Variants in NIBAN1 observed in about 807,000 individuals in gnomAD.
NIBAN1 encodes the protein niban apoptosis regulator 1.
Under a neutral mutation model 75.1 loss-of-function variants are expected in NIBAN1, and 81 were observed. The observed-to-expected ratio is 1.08, with a 90% CI of 0.90 to 1.30. The LOEUF is 1.30. Ranked by LOEUF, NIBAN1 falls within the 50% of genes most tolerant of loss-of-function variation. NIBAN1 has a pLI of 0.00. For missense variants in NIBAN1, 1,133 were observed against 1,128.1 expected, an observed-to-expected ratio of 1.00 and a Z score of -0.06; for synonymous variants, 436 against 424.8, an observed-to-expected ratio of 1.03 and a Z score of -0.32.
In NIBAN1 at chr1:184,974,331, A is replaced by T; in HGVS notation, c.26T>A (p.Leu9Gln). Residue 9 changes from leucine to glutamine, a missense_variant, in exon 1 of 14, where the codon CTG becomes CAG. Transcript: ENST00000367511. ...GATGTAAGCGCACTTGCCCTCGTCCAGCTGGCTGGAGGCTGAGCCGCCCAT... is the reference window on the plus strand; with the variant it reads ...GATGTAAGCGCACTTGCCCTCGTCCTGCTGGCTGGAGGCTGAGCCGCCCAT... MGGSASSQ[L>Q]DEGKCAYIRG... 1 of 1,566,516 alleles carries T rather than the reference A, an allele frequency of 6.4e-7. No homozygotes were observed. Among genetic ancestry groups the T allele is most frequent in the East Asian group, 2.4e-5 (1 of 42,098 alleles).
intron 1 of NIBAN1, among the ~76,000 whole-genome samples, chr1:184,969,259 G>A (rs951682639): frequency 1.3e-5 from 2 of 152,090 alleles, no homozygotes; most frequent in Non-Finnish European, 2.9e-5. Flanking sequence ...CTCACAATAC[G>A]AATTATGCAG....
chr1:184,933,996 G>A (rs925128086), intron 1 of NIBAN1, among the ~76,000 whole-genome samples: 1 of 152,184 alleles, frequency 6.6e-6, no homozygotes, highest in African/African-American at 2.4e-5. Flanking sequence ...AGGAAGATGA[G>A]AGCTGTGAGG....
chr1:184,823,646 A>G lies in NIBAN1; in HGVS notation c.814T>C (p.Trp272Arg), dbSNP rs1367043665. The G allele has an allele frequency of 6.2e-7, 1 of 1,614,134 alleles. No individual in the cohort carries two copies. The highest frequency in any genetic ancestry group is 8.5e-7 in the Non-Finnish European group (1 of 1,179,996). ...GCAAAACCATTGCTTACACCAAGCC[A>G]CGTCCTCTTTCTGTCATTCTTCTTC... is the stretch of plus-strand genomic sequence containing the variant. ...KGKKNDRKRT[W>R]LGLLEEAYTL... Residue 272 changes from tryptophan (W) to arginine (R), a missense_variant, in exon 7 of 14, where the codon TGG becomes CGG. Trp to Arg is a moderately radical substitution (Grantham distance 101). Coordinates refer to ENST00000367511, the MANE Select transcript of NIBAN1 (RefSeq NM_052966.4).
At chr1:184,882,355 C>A (rs927072358) in intron 5 of NIBAN1, among the ~76,000 whole-genome samples, 10 of 152,112 alleles carry the variant, frequency 6.6e-5, no homozygotes, top group Non-Finnish European at 2.9e-5. Context: ...ATCATGCTGT[C>A]AAAAACAGAA....
At chr1:184,919,601 G>T (rs1657476569) in intron 1 of NIBAN1, among the ~76,000 whole-genome samples, 2 of 152,012 alleles carry the variant, frequency 1.3e-5, no homozygotes, top group African/African-American at 4.8e-5. Flanking sequence ...TAAAAAAAGA[G>T]ACCATTAAGA....
At chr1:184,935,835 A>C (rs2102039863) in intron 1 of NIBAN1, among the ~76,000 whole-genome samples, 1 of 151,838 alleles carries the variant, frequency 6.6e-6, no homozygotes, top group East Asian at 1.9e-4. Context: ...AATGAAAACC[A>C]ATCCTTTTCC....
chr1:184,910,263 C>T (rs1469481893), intron 1 of NIBAN1, among the ~76,000 whole-genome samples: 2 of 152,244 alleles, frequency 1.3e-5, no homozygotes, highest in East Asian at 3.9e-4. Context: ...AAGAAAGCAA[C>T]TTGAGTTCAT....
At chr1:184,824,733 C>T (rs978001033) in intron 6 of NIBAN1, among the ~76,000 whole-genome samples, 2 of 151,984 alleles carry the variant, frequency 1.3e-5, no homozygotes, top group Non-Finnish European at 2.9e-5. Flanking sequence ...AGAATGTTGT[C>T]TTACTTTTCT....
At chr1:184,929,644 T>C (rs1657771998) in intron 1 of NIBAN1, among the ~76,000 whole-genome samples, 1 of 152,202 alleles carries the variant, frequency 6.6e-6, no homozygotes, top group South Asian at 2.1e-4. Flanking sequence ...TTGTAAGATT[T>C]TCCCTCTGAA....
At chr1:184,853,722 C>T (rs536995458) in intron 5 of NIBAN1, among the ~76,000 whole-genome samples, 3 of 152,080 alleles carry the variant, frequency 2.0e-5, no homozygotes, top group Non-Finnish European at 2.9e-5. Context: ...CACACCTGTG[C>T]GCACACACAA....
At position 184,808,027 on chromosome 1, in the gene NIBAN1, G is replaced by A. The variant is rs368307040; in HGVS notation, c.1335+47C>T. 1.1e-5 allele frequency: 17 copies of A among 1,606,586 alleles called. No individual in the cohort carries two copies. In the African/African-American group the frequency reaches 1.9e-4, roughly 18 times the overall value. ...CTCACTGGCCAGCACCCATTTCTCTGCTCTCTCTTTACCCTCATCCACCAC... is the reference window on the plus strand; with the variant it reads ...CTCACTGGCCAGCACCCATTTCTCTACTCTCTCTTTACCCTCATCCACCAC... On this transcript the variant is annotated intron_variant, in intron 10 of 13. Coordinates refer to ENST00000367511, the MANE Select transcript of NIBAN1 (RefSeq NM_052966.4).
chr1:184,798,271 C>G, intron 12 of NIBAN1, 81 bp from the exon 13 acceptor site: 1 of 815,200 alleles, frequency 1.2e-6, no homozygotes, highest in South Asian at 1.8e-5. Context: ...AGGACGATTC[C>G]CACTCATGAT....
intron 12 of NIBAN1, among the ~76,000 whole-genome samples, chr1:184,800,398 T>C (rs1354853192): frequency 6.6e-6 from 1 of 151,950 alleles, no homozygotes; most frequent in South Asian, 2.1e-4. Flanking sequence ...TTTTGGCTTT[T>C]GTTGCCATTG....
At chr1:184,972,355 C>G (rs535851710) in intron 1 of NIBAN1, among the ~76,000 whole-genome samples, 1 of 152,224 alleles carries the variant, frequency 6.6e-6, no homozygotes, top group Non-Finnish European at 1.5e-5. Flanking sequence ...TATGATTTTA[C>G]TCAGGAACCT....
At chr1:184,914,595 A>G (rs1269965723) in intron 1 of NIBAN1, among the ~76,000 whole-genome samples, 1 of 152,178 alleles carries the variant, frequency 6.6e-6, no homozygotes, top group African/African-American at 2.4e-5. Flanking sequence ...TTTCTTATGT[A>G]TAATTGAGGA....
At chr1:184,880,670 A>G (rs1656353914) in intron 5 of NIBAN1, among the ~76,000 whole-genome samples, 1 of 152,224 alleles carries the variant, frequency 6.6e-6, no homozygotes, top group African/African-American at 2.4e-5. Context: ...ACAGACTTGC[A>G]TCGATAATGA....
chr1:184,926,808 T>G (rs894701058), intron 1 of NIBAN1, among the ~76,000 whole-genome samples: 1 of 152,210 alleles, frequency 6.6e-6, no homozygotes, highest in African/African-American at 2.4e-5. Context: ...CTTGCCCTTT[T>G]GAGGCTATTT....
At chr1:184,910,476 A>AT (rs1557910717) in intron 1 of NIBAN1, among the ~76,000 whole-genome samples, 1 of 152,112 alleles carries the variant, frequency 6.6e-6, no homozygotes, top group African/African-American at 2.4e-5. Flanking sequence ...TACAAAAAAA[A>AT]CTTTTTTAAA....
chr1:184,858,141 C>T (rs1571523562), intron 5 of NIBAN1, among the ~76,000 whole-genome samples: 1 of 151,692 alleles, frequency 6.6e-6, no homozygotes, highest in Admixed American at 6.6e-5. Flanking sequence ...TATAATAACA[C>T]ATGAGCAATG....
Sources: allele counts gnomAD v4.1 joint callset (sites outside exome capture counted in the v4.1 genomes callset), GRCh38; gene constraint gnomAD v4.1.1; transcripts MANE v1.5; gene names NCBI Gene and HGNC (gene_info 2026-07-23, HGNC 2026-07-21).